Variants in COG3 observed in about 807,000 individuals in gnomAD.
COG3 encodes the protein component of oligomeric golgi complex 3.
In COG3, 32 loss-of-function variants were observed where a neutral mutation model predicts 114.1. The ratio of observed to expected loss-of-function variants is 0.28; its 90% CI spans 0.21 to 0.38. The LOEUF (loss-of-function observed/expected upper bound fraction) is 0.38. Among genes scored for constraint, COG3 ranks in the 10% least tolerant of loss-of-function variants. The pLI is 1.00. For missense variants in COG3, 813 were observed against 973.2 expected (o/e 0.84, Z 2.19); for synonymous variants, 352 against 365.7 (o/e 0.96, Z 0.43).
At position 45,473,941 on chromosome 13, in the gene COG3, C is replaced by G. The variant is rs188699943; in HGVS notation, c.175-2260C>G. Among the ~76,000 whole-genome samples, 4 of 152,234 alleles carry G rather than the reference C, an allele frequency of 2.6e-5. No individual in the cohort carries two copies. In the East Asian group the frequency reaches 7.7e-4, roughly 29 times the overall value. The stretch of plus-strand genomic sequence containing the variant: ...TGCTGGGCCACAGTCCTTTTATACT[C>G]AGGGATTGTGTTACCATTCAGAAAG... On this transcript the variant is annotated intron_variant, in intron 1 of 22. Coordinates refer to ENST00000349995, the MANE Select transcript of COG3 (RefSeq NM_031431.4).
In COG3 at chr13:45,534,014, A is replaced by G. The variant is rs577021685; in HGVS notation, c.2458-688A>G. Among the ~76,000 whole-genome samples the G allele has an allele frequency of 8.5e-5, 13 of 152,320 alleles. 1 individual carries two copies. The South Asian group carries it at 2.7e-3, about 32-fold the overall frequency. On this transcript the variant is annotated intron_variant, in intron 22 of 22. Transcript: ENST00000349995. ...CAAGGTTCCAGGGCCTGGGTGTCAG[A>G]CACCTGGAGTGCAGGCAGCCATTTC...
intron 13 of COG3, among the ~76,000 whole-genome samples, chr13:45,500,055 T>TGAGA (rs369533191): frequency 4.3e-4 from 45 of 105,730 alleles, no homozygotes; most frequent in African/African-American, 6.6e-4. Context: ...TGTGTGTGTG[T>TGAGA]GTGTGTGTGT....
chr13:45,492,714 C>A (rs1438683406), intron 11 of COG3, among the ~76,000 whole-genome samples: 1 of 152,112 alleles, frequency 6.6e-6, no homozygotes, highest in Non-Finnish European at 1.5e-5. Context: ...TTGACTCTTA[C>A]AAACATTCCA....
At position 45,517,377 on chromosome 13, in the gene COG3, G is replaced by C. The variant is rs1871648903; in HGVS notation, c.1930+1114G>C. Among the ~76,000 whole-genome samples, 3 of 152,186 alleles carry C rather than the reference G, an allele frequency of 2.0e-5. No individual in the cohort carries two copies. The South Asian group carries it at 6.2e-4, about 32-fold the overall frequency. Reference sequence around the variant, plus strand: ...CACCCGAGAGCCAGTGTAACCTCATGATGATTCTTCTTAAAACAGTTTGCT... The same window carrying C: ...CACCCGAGAGCCAGTGTAACCTCATCATGATTCTTCTTAAAACAGTTTGCT... On this transcript the variant is annotated intron_variant, in intron 17 of 22. Coordinates refer to ENST00000349995, the MANE Select transcript of COG3 (RefSeq NM_031431.4).
intron 20 of COG3, among the ~76,000 whole-genome samples, chr13:45,529,232 C>T (rs1872954878): frequency 6.6e-6 from 1 of 152,186 alleles, no homozygotes; most frequent in Non-Finnish European, 1.5e-5. Context: ...TTCTATGTAA[C>T]TCCTTCAGAC....
chr13:45,493,056 A>G (rs1421749793), intron 11 of COG3, among the ~76,000 whole-genome samples: 1 of 152,222 alleles, frequency 6.6e-6, no homozygotes, highest in East Asian at 1.9e-4. Context: ...GAAAGGACAT[A>G]TAGAAAATTA....
At chr13:45,501,861 T>C (rs560748439) in intron 13 of COG3, among the ~76,000 whole-genome samples, 1 of 152,386 alleles carries the variant, frequency 6.6e-6, no homozygotes, top group South Asian at 2.1e-4. Flanking sequence ...GCTGGAAATA[T>C]GTTCTTACCT....
At chr13:45,518,672 C>A (rs1871795434) in intron 17 of COG3, 90 bp from the exon 18 acceptor site, 2 of 958,778 alleles carry the variant, frequency 2.1e-6, no homozygotes, top group Non-Finnish European at 3.2e-6. Flanking sequence ...TGGCTTTTTG[C>A]CTTGTGGTGG....
chr13:45,490,467 C>T (rs373231749), intron 8 of COG3, among the ~76,000 whole-genome samples: 11 of 152,038 alleles, frequency 7.2e-5, no homozygotes, highest in African/African-American at 2.7e-4. Context: ...TCAGAAACAA[C>T]CTAGATATCA....
intron 16 of COG3, among the ~76,000 whole-genome samples, chr13:45,512,982 C>A (rs1871038103): frequency 1.4e-5 from 1 of 71,118 alleles, no homozygotes; most frequent in Middle Eastern, 7.1e-3. Context: ...TCCCACAGAC[C>A]CTGAGATTTT....
chr13:45,469,970 AAAG>A (rs1245028588), intron 1 of COG3, among the ~76,000 whole-genome samples: 2 of 152,332 alleles, frequency 1.3e-5, no homozygotes, highest in Admixed American at 6.5e-5. Context: ...GTATTGGCTT[AAAG>A]AAGAAGAATT....
chr13:45,505,341 G>C (rs1316452185), intron 14 of COG3, among the ~76,000 whole-genome samples: 1 of 140,326 alleles, frequency 7.1e-6, no homozygotes, highest in African/African-American at 2.6e-5. Flanking sequence ...TCACTCTGTT[G>C]CCCAGGCTGG....
chr13:45,465,130 A>G lies in COG3; in HGVS notation c.94A>G (p.Thr32Ala). The G allele has an allele frequency of 6.2e-7, 1 of 1,613,392 alleles. No homozygotes were observed. Among genetic ancestry groups the G allele is most frequent in the Non-Finnish European group, 8.5e-7 (1 of 1,179,868 alleles). ...LALWDRRPDT[T>A]APLTDRQTDS... ...TCTCTGGGATCGGAGACCGGACACG[A>G]CGGCGCCGCTGACCGACAGGCAGAC... is the stretch of plus-strand genomic sequence containing the variant. The change falls in exon 1 of 23, where the codon ACG (threonine) becomes GCG (alanine). Residue 32 changes from threonine to alanine, a missense_variant. By Grantham distance (58) the Thr-to-Ala change is moderately conservative. Transcript: ENST00000349995.
intron 13 of COG3, among the ~76,000 whole-genome samples, chr13:45,497,429 T>C (rs529481577): frequency 6.6e-6 from 1 of 152,320 alleles, no homozygotes; most frequent in Admixed American, 6.5e-5. Context: ...GCTAGACTTT[T>C]TGTACTCCCT....
chr13:45,491,607 A>G, intron 10 of COG3, 69 bp downstream of exon 10: 1 of 1,421,990 alleles, frequency 7.0e-7, no homozygotes, highest in African/African-American at 1.4e-5. Flanking sequence ...CCTAGAAACT[A>G]TACCTGGTTA....
chr13:45,476,498 C>A, intron 2 of COG3, 151 bp downstream of exon 2: 1 of 760,652 alleles, frequency 1.3e-6, no homozygotes, highest in Non-Finnish European at 2.1e-6. Flanking sequence ...TTAGTTGTGG[C>A]TGTTTACGTG....
At chr13:45,496,389 T>G (rs1407862597) in intron 13 of COG3, 77 bp downstream of exon 13, 59 of 1,121,730 alleles carry the variant, frequency 5.3e-5, no homozygotes, top group Non-Finnish European at 6.4e-5. Flanking sequence ...TTTTAAAAAT[T>G]TATATATTAA....
Position 45,525,062 on chromosome 13 carries a change from T to G in COG3, c.2230+11T>G. The G allele has an allele frequency of 6.2e-7, 1 of 1,610,030 alleles. No homozygotes were observed. Among genetic ancestry groups the G allele is most frequent in the Non-Finnish European group, 8.5e-7 (1 of 1,176,792 alleles). ...CTTGGGCACAACCAGGTATTCTGAT[T>G]TGACCATTTTGGATTTCTTTTTTAG... On this transcript the variant is annotated intron_variant, in intron 20 of 22. Coordinates refer to ENST00000349995, the MANE Select transcript of COG3 (RefSeq NM_031431.4).
Position 45,535,866 on chromosome 13 carries a change from C to T in COG3, c.*1135C>T. On this transcript the variant is annotated 3_prime_UTR_variant, in exon 23 of 23. Coordinates refer to ENST00000349995, the MANE Select transcript of COG3 (RefSeq NM_031431.4). ...GTTTTGCCGCTGATGTTAAGGCAGC[C>T]AGCTTCTTAGTTCAAAAAGAATTCT... 1.0e-6 allele frequency: 1 copy of T among 987,574 alleles called. No individual in the cohort carries two copies. Among genetic ancestry groups the T allele is most frequent in the Non-Finnish European group, 1.2e-6 (1 of 830,088 alleles). 61.2% of individuals were successfully genotyped at this position (987,574 alleles called of 1,614,324 possible). A position where few individuals can be genotyped will look rare whatever the true frequency, so the allele number is the denominator to read the frequency against.
Sources: allele counts gnomAD v4.1 joint callset (sites outside exome capture counted in the v4.1 genomes callset), GRCh38; gene constraint gnomAD v4.1.1; transcripts MANE v1.5; gene names NCBI Gene and HGNC (gene_info 2026-07-23, HGNC 2026-07-21).